The following AFTPH variants were observed in gnomAD, a reference collection of about 807,000 sequenced individuals.
The protein encoded by AFTPH is aftiphilin protein.
Under a neutral mutation model 72.5 loss-of-function variants are expected in AFTPH, and 7 were observed. The observed-to-expected ratio is 0.10, with a 90% confidence interval of 0.05 to 0.18. The LOEUF is 0.18. Among genes scored for constraint, AFTPH ranks in the 10% least tolerant of loss-of-function variants. The probability of loss-of-function intolerance (pLI) is 1.00; values close to 1 mark genes in which losing one functional copy is unlikely to be tolerated. For synonymous variants in AFTPH, 337 were observed against 370.1 expected, an observed-to-expected ratio of 0.91 and a Z score of 1.03; for missense variants, 979 against 1,060.5, an observed-to-expected ratio of 0.92 and a Z score of 1.07.
chr2:64,575,781 C>T (rs1262746491), intron 6 of AFTPH, among the ~76,000 whole-genome samples: 1 of 148,070 alleles, frequency 6.8e-6, no homozygotes, highest in Non-Finnish European at 1.5e-5. Context: ...CTCTGTCACC[C>T]AGGCTGGAGT....
At chr2:64,583,351 A>T in intron 7 of AFTPH, among the ~76,000 whole-genome samples, 1 of 149,048 alleles carries the variant, frequency 6.7e-6, no homozygotes. Context: ...TAAAAAAATT[A>T]CTCTCCAATT....
chr2:64,586,010 CCTTA>C (rs1292829297), intron 8 of AFTPH, among the ~76,000 whole-genome samples: 2 of 152,060 alleles, frequency 1.3e-5, no homozygotes, highest in African/African-American at 4.8e-5. Context: ...GGAGGTAAAG[CCTTA>C]CTTTACCAGG....
At chr2:64,549,446 A>C (rs3732067) in intron 1 of AFTPH, among the ~76,000 whole-genome samples, 6,817 of 149,562 alleles carry the variant, frequency 0.046, 460 homozygotes, top group African/African-American at 0.14. Flanking sequence ...TCAGCTTCCT[A>C]AGTAGCTGAT....
At chr2:64,569,676 A>G in exon 5 of AFTPH, 1 of 1,613,586 alleles carries the variant, frequency 6.2e-7, no homozygotes, top group Non-Finnish European at 8.5e-7. Context: ...ATGCAGCAGG[A>G]TTGGTAAGTA....
intron 1 of AFTPH, among the ~76,000 whole-genome samples, chr2:64,547,473 T>A (rs1192874174): frequency 6.6e-6 from 1 of 152,212 alleles, no homozygotes; most frequent in Non-Finnish European, 1.5e-5. Flanking sequence ...TTCATGTTGA[T>A]CACCTGATTA....
chr2:64,567,733 T>TAAAAA lies in AFTPH; in HGVS notation c.2087+21_2087+22insAAAAA. ...AAGTGGGTAAGTAGGAGACTGTTTTTAGATAGCATGTGTTTTTGTTATTTT... is the reference window on the plus strand; with the variant it reads ...AAGTGGGTAAGTAGGAGACTGTTTTTAAAAAAGATAGCATGTGTTTTTGTTATTTT... On this transcript the variant is annotated intron_variant, in intron 3 of 8. Coordinates refer to ENST00000238856, the Ensembl canonical transcript of AFTPH. 1 of 1,592,044 alleles carries TAAAAA rather than the reference T, an allele frequency of 6.3e-7. No individual in the cohort carries two copies. Among genetic ancestry groups the TAAAAA allele is most frequent in the Non-Finnish European group, 8.5e-7 (1 of 1,171,728 alleles).
intron 1 of AFTPH, among the ~76,000 whole-genome samples, chr2:64,530,209 A>T (rs140892492): frequency 2.6e-5 from 4 of 152,270 alleles, no homozygotes; most frequent in Non-Finnish European, 5.9e-5. Flanking sequence ...ATAATAATGC[A>T]TATTTTCCTA....
chr2:64,542,065 GT>G (rs1334656176), intron 1 of AFTPH, among the ~76,000 whole-genome samples: 1 of 152,182 alleles, frequency 6.6e-6, no homozygotes, highest in African/African-American at 2.4e-5. Context: ...ATCTAGGTCA[GT>G]TTATCTGTCC....
At chr2:64,556,972 C>T (rs927492247) in intron 2 of AFTPH, among the ~76,000 whole-genome samples, 7 of 152,118 alleles carry the variant, frequency 4.6e-5, no homozygotes, top group Middle Eastern at 3.2e-3. Context: ...CGAATGAGAA[C>T]GAGGTCTTCA....
At chr2:64,569,313 C>T (rs1341710826) in intron 4 of AFTPH, 95 bp downstream of exon 4, 1 of 1,435,118 alleles carries the variant, frequency 7.0e-7, no homozygotes, top group East Asian at 2.3e-5. Context: ...AAGCTAGTTC[C>T]TCAGAAAATA....
intron 1 of AFTPH, among the ~76,000 whole-genome samples, chr2:64,546,935 G>C (rs1415992011): frequency 1.3e-5 from 2 of 151,866 alleles, no homozygotes; most frequent in African/African-American, 4.8e-5. Flanking sequence ...TGTAGTCCCA[G>C]CTGCTTGGGA....
intron 1 of AFTPH, among the ~76,000 whole-genome samples, chr2:64,541,307 G>A (rs1670239255): frequency 6.6e-6 from 1 of 152,124 alleles, no homozygotes; most frequent in Non-Finnish European, 1.5e-5. Context: ...ATATTATGCA[G>A]TTGGTGACTC....
chr2:64,559,017 A>C (rs1572991229), intron 2 of AFTPH, among the ~76,000 whole-genome samples: 1 of 152,360 alleles, frequency 6.6e-6, no homozygotes, highest in South Asian at 2.1e-4. Flanking sequence ...CCACACAGGT[A>C]GTGGCTGCAG....
At chr2:64,534,537 T>C (rs574344673) in intron 1 of AFTPH, among the ~76,000 whole-genome samples, 2 of 152,284 alleles carry the variant, frequency 1.3e-5, no homozygotes, top group African/African-American at 2.4e-5. Context: ...CAGCGGATGA[T>C]AGTTTTCTGT....
rs754786939 is a variant in AFTPH at position 64,581,171 on chromosome 2, A to C, written c.2455+1625A>C. On this transcript the variant is annotated intron_variant, in intron 7 of 8. Coordinates refer to ENST00000238856, the Ensembl canonical transcript of AFTPH. ...ACCTTCTGTGTGGCTGCCTACCAAC[A>C]CGGTCACTGAATTTCAAGCTAGTGG... The C allele has an allele frequency of 6.3e-7, 1 of 1,574,980 alleles. No individual in the cohort carries two copies. The highest frequency in any genetic ancestry group is 1.2e-5 in the South Asian group (1 of 85,536).
At chr2:64,524,386 A>AGGCGGC (rs914103794) in exon 1 of AFTPH, 27 of 403,580 alleles carry the variant, frequency 6.7e-5, no homozygotes, top group East Asian at 1.4e-4. Flanking sequence ...GAGGTGGAGG[A>AGGCGGC]GGCGGCGGCG....
At chr2:64,524,700 G>GGCCGGGAGCATCTGCCC in intron 1 of AFTPH, 88 bp downstream of exon 1, 1 of 389,124 alleles carries the variant, frequency 2.6e-6, no homozygotes, top group Non-Finnish European at 4.5e-6. Flanking sequence ...CCCTCACCCG[G>GGCCGGGAGCATCTGCCC]GCCGGGAGCA....
In AFTPH at chr2:64,586,195, A is replaced by G. The variant is rs771374061; in HGVS notation, c.2579+650A>G. Among the ~76,000 whole-genome samples, 31 of 152,370 alleles carry G rather than the reference A, an allele frequency of 2.0e-4. 1 individual carries two copies. The highest frequency in any genetic ancestry group is 1.2e-3 in the Admixed American group (19 of 15,306). Reference sequence around the variant, plus strand: ...CCATTGCTTTGAGTTATTGTTAACCATAAGACTAAGCCAGTTTCTAACAGG... The same window carrying G: ...CCATTGCTTTGAGTTATTGTTAACCGTAAGACTAAGCCAGTTTCTAACAGG... On this transcript the variant is annotated intron_variant, in intron 8 of 8. Coordinates refer to ENST00000238856, the Ensembl canonical transcript of AFTPH.
At chr2:64,551,307 A>C in intron 1 of AFTPH, 136 bp from the exon 2 acceptor site, 1 of 666,352 alleles carries the variant, frequency 1.5e-6, no homozygotes, top group Non-Finnish European at 2.5e-6. Context: ...ATCATGCAGG[A>C]CATGGTCAAG....
Sources: allele counts gnomAD v4.1 joint callset (sites outside exome capture counted in the v4.1 genomes callset), GRCh38; gene constraint gnomAD v4.1.1; transcripts MANE v1.5; gene names NCBI Gene and HGNC (gene_info 2026-07-23, HGNC 2026-07-21).